Variants in PCDH9 observed in about 807,000 individuals in gnomAD.
PCDH9 encodes protocadherin 9, also known as protocadherin-9.
In PCDH9, 24 loss-of-function variants were observed where a neutral mutation model predicts 70.6. The ratio of observed to expected loss-of-function variants is 0.34; its 90% CI spans 0.25 to 0.48. The LOEUF (loss-of-function observed/expected upper bound fraction) is 0.48. Ranked by LOEUF, PCDH9 falls within the 20% of genes least tolerant of loss-of-function variation. PCDH9 has a pLI of 0.99. For missense variants in PCDH9, 1,281 were observed against 1,503.6 expected (o/e 0.85, Z 2.45); for synonymous variants, 562 against 558.5 (o/e 1.01, Z -0.09).
intron 2 of PCDH9, among the ~76,000 whole-genome samples, chr13:67,120,332 C>T (rs9529189): frequency 0.92 from 139,893 of 151,976 alleles, 64,505 homozygotes; most frequent in East Asian, 0.98. Flanking sequence ...TCTATGTGTG[C>T]CGGCCACCTC....
intron 4 of PCDH9, among the ~76,000 whole-genome samples, chr13:66,473,437 A>G (rs1958658709): frequency 6.6e-6 from 1 of 152,128 alleles, no homozygotes; most frequent in African/African-American, 2.4e-5. Flanking sequence ...TACACACACA[A>G]TCCACTTAGT....
At chr13:66,575,460 C>G (rs1420634540) in intron 4 of PCDH9, among the ~76,000 whole-genome samples, 1 of 152,088 alleles carries the variant, frequency 6.6e-6, no homozygotes, top group African/African-American at 2.4e-5. Flanking sequence ...GGGAATGGTT[C>G]TTAACTGGTT....
intron 4 of PCDH9, among the ~76,000 whole-genome samples, chr13:66,578,643 A>T (rs1362114962): frequency 6.6e-6 from 1 of 152,052 alleles, no homozygotes; most frequent in African/African-American, 2.4e-5. Context: ...ACTAGAAGCT[A>T]TATTGAAGTC....
At chr13:66,519,614 G>A (rs1172677232) in intron 4 of PCDH9, among the ~76,000 whole-genome samples, 1 of 152,082 alleles carries the variant, frequency 6.6e-6, no homozygotes, top group African/African-American at 2.4e-5. Flanking sequence ...CTTAGAATGT[G>A]AGTGTCATAT....
intron 3 of PCDH9, among the ~76,000 whole-genome samples, chr13:66,797,567 T>C (rs2080262845): frequency 6.6e-6 from 1 of 152,160 alleles, no homozygotes; most frequent in Non-Finnish European, 1.5e-5. Flanking sequence ...TAAATGTAGA[T>C]AAATCGCTAA....
At chr13:66,462,818 G>C (rs1277913207) in intron 4 of PCDH9, among the ~76,000 whole-genome samples, 1 of 151,688 alleles carries the variant, frequency 6.6e-6, no homozygotes, top group Non-Finnish European at 1.5e-5. Context: ...CCATTACCCA[G>C]AGCTGAGGGA....
rs1269693431 is a variant in PCDH9, at chr13:66,787,446, T to C, written c.3138+116058A>G. 2.0e-5 allele frequency among the ~76,000 whole-genome samples: 3 copies of C among 151,950 alleles called. No homozygotes were observed. The South Asian group carries it at 6.2e-4, about 32-fold the overall frequency. On this transcript the variant is annotated intron_variant, in intron 3 of 4. Transcript: ENST00000377865. ...GCCTGGCCAAGATAGTGAAAGCCCA[T>C]GTCTACTAAAAATACAAACATTAGC...
intron 2 of PCDH9, among the ~76,000 whole-genome samples, chr13:66,981,127 A>G (rs181094037): frequency 1.3e-5 from 2 of 152,324 alleles, no homozygotes; most frequent in Non-Finnish European, 2.9e-5. Flanking sequence ...ATATAATAAA[A>G]TAAGACTAAG....
At chr13:66,332,468 T>C (rs1468036533) in intron 4 of PCDH9, among the ~76,000 whole-genome samples, 1 of 152,146 alleles carries the variant, frequency 6.6e-6, no homozygotes, top group African/African-American at 2.4e-5. Flanking sequence ...TATTACTTTT[T>C]GGTAGTTCAC....
At chr13:66,761,195 G>A (rs1434468157) in intron 3 of PCDH9, among the ~76,000 whole-genome samples, 1 of 151,952 alleles carries the variant, frequency 6.6e-6, no homozygotes, top group Non-Finnish European at 1.5e-5. Flanking sequence ...TTGCGGCTTA[G>A]GTGGGCATCA....
intron 4 of PCDH9, among the ~76,000 whole-genome samples, chr13:66,530,580 A>T (rs1333969937): frequency 6.6e-6 from 1 of 151,966 alleles, no homozygotes; most frequent in Non-Finnish European, 1.5e-5. Flanking sequence ...AGTAAGTCTA[A>T]ACAAATGCTA....
At chr13:66,891,180 C>T (rs1217816580) in intron 3 of PCDH9, among the ~76,000 whole-genome samples, 1 of 151,938 alleles carries the variant, frequency 6.6e-6, no homozygotes, top group Admixed American at 6.6e-5. Context: ...TGCAAACTAC[C>T]ACCATTTGTT....
intron 2 of PCDH9, among the ~76,000 whole-genome samples, chr13:67,158,883 C>A (rs1410075339): frequency 2.6e-5 from 4 of 152,162 alleles, no homozygotes; most frequent in African/African-American, 9.7e-5. Context: ...GATACATAAG[C>A]TACCATGCTA....
intron 2 of PCDH9, among the ~76,000 whole-genome samples, chr13:67,139,655 G>C (rs1007539376): frequency 6.6e-6 from 1 of 152,036 alleles, no homozygotes; most frequent in African/African-American, 2.4e-5. Context: ...CAGCAGTTTT[G>C]CTTTTCAAAG....
chr13:66,331,383 GC>G (rs1483050987), intron 4 of PCDH9, among the ~76,000 whole-genome samples: 1 of 151,984 alleles, frequency 6.6e-6, no homozygotes, highest in Non-Finnish European at 1.5e-5. Flanking sequence ...GAGCCCTCTG[GC>G]CCCGAACTTC....
At chr13:67,007,268 T>C (rs1594383424) in intron 2 of PCDH9, among the ~76,000 whole-genome samples, 3 of 151,996 alleles carry the variant, frequency 2.0e-5, no homozygotes, top group South Asian at 2.1e-4. Context: ...ACCAAAAAAA[T>C]TGTAAAAATG....
intron 2 of PCDH9, among the ~76,000 whole-genome samples, chr13:67,067,288 CTA>C (rs1388406934): frequency 1.3e-5 from 2 of 152,102 alleles, no homozygotes; most frequent in South Asian, 2.1e-4. Flanking sequence ...TTAATACTAA[CTA>C]GACATAATTT....
intron 3 of PCDH9, among the ~76,000 whole-genome samples, chr13:66,764,301 A>G (rs2079676263): frequency 6.6e-6 from 1 of 151,662 alleles, no homozygotes; most frequent in African/African-American, 2.4e-5. Context: ...TTTATTTTAG[A>G]GAAAATTTTC....
At chr13:67,068,114 G>A (rs1433698161) in intron 2 of PCDH9, among the ~76,000 whole-genome samples, 13 of 151,936 alleles carry the variant, frequency 8.6e-5, no homozygotes, top group Non-Finnish European at 8.8e-5. Context: ...TAACTATACA[G>A]GGTAAAATCA....
Sources: gnomAD v4.1 joint callset for allele counts (sites outside exome capture counted in the v4.1 genomes callset) on GRCh38, gnomAD v4.1.1 for gene constraint, MANE v1.5 for transcripts, NCBI Gene and HGNC (gene_info 2026-07-23, HGNC 2026-07-21) for gene names.